HAPLN2: variants seen among roughly 807,000 people sequenced by gnomAD.
The protein encoded by HAPLN2 is brain link protein-1.
HAPLN2 carries 27 observed loss-of-function variants against 29.3 expected under a neutral mutation model. That is an observed-to-expected ratio of 0.92 (90% CI 0.68 to 1.27). HAPLN2 has a LOEUF of 1.27. Among genes scored for constraint, HAPLN2 ranks in the 50% most tolerant of loss-of-function variants. The pLI is 0.00. For synonymous variants in HAPLN2, 208 were observed against 211.7 expected, an observed-to-expected ratio of 0.98 and a Z score of 0.15; for missense variants, 454 against 484.3, an observed-to-expected ratio of 0.94 and a Z score of 0.59.
upstream of HAPLN2, among the ~76,000 whole-genome samples, chr1:156,616,161 T>C (rs1162279949): frequency 6.6e-6 from 1 of 152,034 alleles, no homozygotes; most frequent in East Asian, 1.9e-4. Context: ...GAAGGAGATG[T>C]CGGGACTCCG....
At chr1:156,606,544 G>A in the HAPLN2 span, among the ~76,000 whole-genome samples, 10 of 150,474 alleles carry the variant, frequency 6.6e-5, no homozygotes, top group Non-Finnish European at 1.3e-4. Flanking sequence ...GTGCAGTGGC[G>A]TGATCATGGC....
Position 156,624,175 on chromosome 1 carries a change from C to A in HAPLN2, c.439+15C>A. The A allele has an allele frequency of 6.2e-7, 1 of 1,607,448 alleles. No homozygotes were observed. Among genetic ancestry groups the A allele is most frequent in the Non-Finnish European group, 8.5e-7 (1 of 1,177,302 alleles). ...GAGCTTGGAGGGTGAGGCCCTTCCG[C>A]TCCCGCCCCATTCCTGTGTAGCAGC... On this transcript the variant is annotated intron_variant, in intron 4 of 6. Transcript: ENST00000255039.
At position 156,625,318 on chromosome 1, in the gene HAPLN2, G is replaced by T; in HGVS notation, c.957G>T (p.Val319=). 2 of 1,592,476 alleles carry T rather than the reference G, an allele frequency of 1.3e-6. No homozygotes were observed. Among genetic ancestry groups the T allele is most frequent in the East Asian group, 4.6e-5 (2 of 43,460 alleles). ...PRCGGLPDPG[V]RSFGFPRPQQ... ...GCGGGGGGCTCCCGGATCCCGGAGTGCGCAGTTTCGGCTTCCCCAGGCCCC... is the reference window on the plus strand; with the variant it reads ...GCGGGGGGCTCCCGGATCCCGGAGTTCGCAGTTTCGGCTTCCCCAGGCCCC... The change falls in exon 7 of 7, where the codon GTG becomes GTT. Residue 319 remains valine, a synonymous_variant. Coordinates refer to ENST00000255039, the MANE Select transcript of HAPLN2 (RefSeq NM_021817.3). The surrounding 1 kb of genome is among the most constrained non-coding windows in gnomAD (Gnocchi z 5.7).
In HAPLN2 at chr1:156,625,713, C is replaced by A. The variant is rs369361461; in HGVS notation, c.*329C>A. ...ACCTCTGAGTACAGCAATAAAATAA[C>A]CTGGGGATCTTTTGTGTTGGGTGGA... On this transcript the variant is annotated 3_prime_UTR_variant, in exon 7 of 7. Transcript: ENST00000255039. The surrounding 1 kb of genome is among the most constrained non-coding windows in gnomAD (Gnocchi z 5.7). 4.2e-5 allele frequency: 12 copies of A among 283,376 alleles called. No homozygotes were observed. Among genetic ancestry groups the A allele is most frequent in the Middle Eastern group, 9.6e-4 (1 of 1,042 alleles). 17.6% of individuals were successfully genotyped at this position (283,376 alleles called of 1,614,324 possible).
At chr1:156,604,105 A>G in the HAPLN2 span, among the ~76,000 whole-genome samples, 1 of 152,148 alleles carries the variant, frequency 6.6e-6, no homozygotes, top group African/African-American at 2.4e-5. Context: ...GAATACATGA[A>G]TACTTATAAG....
At chr1:156,606,773 G>A in the HAPLN2 span, among the ~76,000 whole-genome samples, 22 of 152,048 alleles carry the variant, frequency 1.4e-4, no homozygotes, top group African/African-American at 3.9e-4. Flanking sequence ...GTGAGCCACC[G>A]CGCCCAGCCT....
intron 6 of HAPLN2, 119 bp downstream of exon 6, chr1:156,624,902 C>A (rs1312461761): frequency 1.7e-5 from 20 of 1,200,202 alleles, no homozygotes; most frequent in Non-Finnish European, 2.3e-5. Context: ...GCACCGCCCC[C>A]CCATCAGCCC....
At chr1:156,612,556 T>C in the HAPLN2 span, among the ~76,000 whole-genome samples, 3 of 152,182 alleles carry the variant, frequency 2.0e-5, no homozygotes, top group Admixed American at 6.5e-5. Context: ...TCCTGGCTCC[T>C]GTTTCTTGCT....
At chr1:156,606,743 A>G in the HAPLN2 span, among the ~76,000 whole-genome samples, 1 of 151,976 alleles carries the variant, frequency 6.6e-6, no homozygotes, top group South Asian at 2.1e-4. Flanking sequence ...TCGGCCTCCC[A>G]AAGTGCTGGG....
chr1:156,612,063 G>T, the HAPLN2 span, among the ~76,000 whole-genome samples: 1 of 152,274 alleles, frequency 6.6e-6, no homozygotes, highest in Non-Finnish European at 1.5e-5. Flanking sequence ...TGTTGCCCAG[G>T]ACAGAGTGCA....
chr1:156,621,250 G>A (rs1341868131), intron 2 of HAPLN2, among the ~76,000 whole-genome samples: 2 of 151,804 alleles, frequency 1.3e-5, no homozygotes, highest in Non-Finnish European at 2.9e-5. Flanking sequence ...AATTACAGGT[G>A]CATGCCACCA....
chr1:156,605,357 C>T, the HAPLN2 span, among the ~76,000 whole-genome samples: 45 of 151,198 alleles, frequency 3.0e-4, no homozygotes, highest in African/African-American at 9.9e-4. Context: ...TTTGCGAGGC[C>T]GACATGGTCA....
At chr1:156,610,011 G>T in the HAPLN2 span, among the ~76,000 whole-genome samples, 1 of 151,436 alleles carries the variant, frequency 6.6e-6, no homozygotes, top group Non-Finnish European at 1.5e-5. Flanking sequence ...GTCAGGAGAT[G>T]GAGACCGTCT....
chr1:156,602,956 G>A, the HAPLN2 span, among the ~76,000 whole-genome samples: 3 of 151,874 alleles, frequency 2.0e-5, no homozygotes. Flanking sequence ...TCACAGGAGA[G>A]CCTTGTCATA....
At chr1:156,605,262 T>C in the HAPLN2 span, among the ~76,000 whole-genome samples, 1 of 148,654 alleles carries the variant, frequency 6.7e-6, no homozygotes, top group Non-Finnish European at 1.5e-5. Context: ...TGAGACTCCG[T>C]CTGAAAAAGA....
At chr1:156,603,002 T>A in the HAPLN2 span, among the ~76,000 whole-genome samples, 1 of 152,096 alleles carries the variant, frequency 6.6e-6, no homozygotes, top group African/African-American at 2.4e-5. Context: ...ATCCCCATAA[T>A]TTTTTCCATA....
At chr1:156,610,210 C>T in the HAPLN2 span, among the ~76,000 whole-genome samples, 2 of 151,942 alleles carry the variant, frequency 1.3e-5, no homozygotes, top group East Asian at 1.9e-4. Context: ...AAGACTCCAT[C>T]TCAAAAAAAC....
chr1:156,602,808 C>T, the HAPLN2 span, among the ~76,000 whole-genome samples: 2 of 152,040 alleles, frequency 1.3e-5, no homozygotes, highest in African/African-American at 4.8e-5. Context: ...ATGCCCCTAC[C>T]CCTGCAAGCT....
intron 3 of HAPLN2, 38 bp downstream of exon 3, chr1:156,623,613 T>C: frequency 6.2e-7 from 1 of 1,612,142 alleles, no homozygotes; most frequent in Non-Finnish European, 8.5e-7. Flanking sequence ...GGGGGAGGCT[T>C]GGGGAGACTG....
Sources: gnomAD v4.1 joint callset for allele counts (sites outside exome capture counted in the v4.1 genomes callset) on GRCh38, gnomAD v4.1.1 for gene constraint, Gnocchi (gnomAD v3.1) non-coding constraint, MANE v1.5 for transcripts, NCBI Gene and HGNC (gene_info 2026-07-23, HGNC 2026-07-21) for gene names.